NAV3: variants seen among roughly 807,000 people sequenced by gnomAD.
NAV3 encodes the protein neuron navigator 3.
In NAV3, 87 loss-of-function variants were observed where a neutral mutation model predicts 244.7. The observed-to-expected ratio is 0.36, with a 90% CI of 0.30 to 0.42. The LOEUF (loss-of-function observed/expected upper bound fraction) is 0.42. NAV3 is among the 20% of genes least tolerant of loss of function. The pLI, the probability that NAV3 is intolerant of heterozygous loss-of-function variation, is 1.00. For synonymous variants in NAV3, 1,126 were observed against 1,042.2 expected (o/e 1.08, Z -1.55); for missense variants, 2,663 against 2,893.3 (o/e 0.92, Z 1.83).
At chr12:77,775,717 G>A (rs528237834) in intron 2 of NAV3, 13 of 152,248 alleles carry the variant, frequency 8.5e-5, no homozygotes, top group Admixed American at 5.2e-4. Flanking sequence ...TCACAATGAC[G>A]TTGCACATTA....
At chr12:78,088,122 ACTT>A (rs1953731356) in intron 12 of NAV3, among the ~76,000 whole-genome samples, 1 of 151,400 alleles carries the variant, frequency 6.6e-6, no homozygotes, top group South Asian at 2.1e-4. Flanking sequence ...AATTTTATAT[ACTT>A]CTTATCCACT....
At chr12:77,865,667 A>G (rs1379353496) in intron 1 of NAV3, among the ~76,000 whole-genome samples, 1 of 152,100 alleles carries the variant, frequency 6.6e-6, no homozygotes, top group Non-Finnish European at 1.5e-5. Context: ...GTATTTAACA[A>G]CAAACAAATG....
At chr12:78,153,523 A>G (rs1957156771) in intron 22 of NAV3, among the ~76,000 whole-genome samples, 1 of 152,116 alleles carries the variant, frequency 6.6e-6, no homozygotes, top group South Asian at 2.1e-4. Flanking sequence ...ATAGCAAACA[A>G]TAAGCCAGAT....
chr12:77,619,625 G>A (rs1258999564), intron 2 of NAV3, among the ~76,000 whole-genome samples: 1 of 152,148 alleles, frequency 6.6e-6, no homozygotes, highest in Non-Finnish European at 1.5e-5. Flanking sequence ...ATGATGTATG[G>A]CATTAATTGT....
chr12:77,741,054 G>C (rs1229841045), intron 2 of NAV3, among the ~76,000 whole-genome samples: 1 of 146,972 alleles, frequency 6.8e-6, no homozygotes, highest in African/African-American at 2.5e-5. Context: ...TAATTTGTGG[G>C]GAAAGTATTC....
At chr12:77,708,347 T>C (rs1225842613) in intron 2 of NAV3, among the ~76,000 whole-genome samples, 1 of 152,212 alleles carries the variant, frequency 6.6e-6, no homozygotes, top group African/African-American at 2.4e-5. Context: ...TTGTCAGGTT[T>C]GTCAAAGATC....
chr12:77,635,408 A>G (rs1023076675), intron 2 of NAV3, among the ~76,000 whole-genome samples: 1 of 152,184 alleles, frequency 6.6e-6, no homozygotes, highest in Admixed American at 6.5e-5. Context: ...AAAGAAGGGA[A>G]TGTTTTATGT....
intron 6 of NAV3, among the ~76,000 whole-genome samples, chr12:77,996,211 A>C (rs943994049): frequency 6.6e-6 from 1 of 152,204 alleles, no homozygotes; most frequent in South Asian, 2.1e-4. Context: ...TTCTAAGTCT[A>C]TGCCTATGTC....
At chr12:78,127,008 C>T (rs895709907) in intron 16 of NAV3, among the ~76,000 whole-genome samples, 159 bp from the exon 17 acceptor site, 6 of 152,170 alleles carry the variant, frequency 3.9e-5, no homozygotes, top group East Asian at 1.9e-4. Flanking sequence ...CGGCAATGGA[C>T]ATCTTGTCAC....
chr12:77,796,647 A>G (rs1184186086), intron 2 of NAV3, among the ~76,000 whole-genome samples: 1 of 152,188 alleles, frequency 6.6e-6, no homozygotes, highest in African/African-American at 2.4e-5. Context: ...GGAAGAGTTA[A>G]TCAATGCAGC....
At chr12:78,176,128 A>G (rs1451741307) in intron 25 of NAV3, among the ~76,000 whole-genome samples, 1 of 152,020 alleles carries the variant, frequency 6.6e-6, no homozygotes, top group Non-Finnish European at 1.5e-5. Flanking sequence ...TAAGTTTGCT[A>G]GTGATATAAT....
rs540555227 is a variant in NAV3 at position 77,850,374 on chromosome 12, C to T, written c.243+18670C>T. On this transcript the variant is annotated intron_variant, in intron 1 of 39. Coordinates refer to ENST00000397909, the MANE Select transcript of NAV3 (RefSeq NM_001024383.2). ...ATCTTCCTCTAAGTAATCATAAGTC[C>T]GTTGCAGTATAGTAAATCAGCCAAG... Among the ~76,000 whole-genome samples the T allele has an allele frequency of 2.6e-4, 40 of 152,222 alleles. 1 individual carries two copies. The highest frequency in any genetic ancestry group is 3.9e-4 in the East Asian group (2 of 5,178).
intron 2 of NAV3, among the ~76,000 whole-genome samples, chr12:77,739,011 C>CAAAAAAA (rs1168641355): frequency 3.1e-5 from 2 of 64,086 alleles, no homozygotes; most frequent in South Asian, 9.1e-4. Flanking sequence ...GACTCCGTCT[C>CAAAAAAA]AAAAAAAAAA....
At chr12:78,099,314 T>C (rs961604400) in intron 12 of NAV3, among the ~76,000 whole-genome samples, 1 of 151,638 alleles carries the variant, frequency 6.6e-6, no homozygotes, top group African/African-American at 2.4e-5. Context: ...TAAGGTAATA[T>C]GAAGTGAATG....
intron 2 of NAV3, among the ~76,000 whole-genome samples, chr12:77,614,420 C>A (rs1033786573): frequency 3.3e-5 from 5 of 151,804 alleles, no homozygotes; most frequent in African/African-American, 4.8e-5. Flanking sequence ...TTTTCTAGGC[C>A]CCTTTTGTCC....
chr12:77,677,044 A>T (rs1379011602), intron 2 of NAV3, among the ~76,000 whole-genome samples: 1 of 152,216 alleles, frequency 6.6e-6, no homozygotes, highest in Non-Finnish European at 1.5e-5. Context: ...AAGGAACATG[A>T]AGTGTATCTA....
chr12:78,119,199 C>T (rs2138595881), intron 14 of NAV3, 38 bp from the exon 15 acceptor site: 10 of 1,566,422 alleles, frequency 6.4e-6, no homozygotes, highest in Non-Finnish European at 7.8e-6. Context: ...ATATCAAACT[C>T]TACAGGCACA....
chr12:78,053,867 TG>T (rs1012299792), intron 11 of NAV3, among the ~76,000 whole-genome samples: 6 of 152,346 alleles, frequency 3.9e-5, no homozygotes, highest in Admixed American at 2.6e-4. Context: ...TTAGATTTTG[TG>T]GCTACATATA....
intron 8 of NAV3, among the ~76,000 whole-genome samples, chr12:78,019,415 C>T (rs1876775531): frequency 6.6e-6 from 1 of 152,094 alleles, no homozygotes; most frequent in African/African-American, 2.4e-5. Context: ...TGAGTTCAAA[C>T]ATGGAGAATA....
Sources: allele counts gnomAD v4.1 joint callset (sites outside exome capture counted in the v4.1 genomes callset), GRCh38; gene constraint gnomAD v4.1.1; transcripts MANE v1.5; gene names NCBI Gene and HGNC (gene_info 2026-07-23, HGNC 2026-07-21).